CUL4B: variants seen among roughly 807,000 people sequenced by gnomAD.
CUL4B encodes the protein cullin-4B.
Under a neutral mutation model 69.2 loss-of-function variants are expected in CUL4B, and 1 was observed. That is an observed-to-expected ratio of 0.01 (90% CI 0.01 to 0.07). The LOEUF is 0.07. Ranked by LOEUF, CUL4B falls within the 10% of genes least tolerant of loss-of-function variation. CUL4B has a pLI of 1.00. For missense variants in CUL4B, 328 were observed against 638.8 expected (o/e 0.51, Z 5.24); for synonymous variants, 237 against 223.2 (o/e 1.06, Z -0.55).
upstream of CUL4B, among the ~76,000 whole-genome samples, chrX:120,566,367 A>ATATGTATATATATATATATG (rs1556253143): frequency 5.3e-5 from 3 of 57,140 alleles, no homozygotes; most frequent in African/African-American, 1.7e-4. Flanking sequence ...ATATATATAT[A>ATATGTATATATATATATATG]TATATATATA....
chrX:120,545,022 TGAA>T (rs1220359116), intron 5 of CUL4B, among the ~76,000 whole-genome samples: 2 of 112,557 alleles, frequency 1.8e-5, no homozygotes, highest in Non-Finnish European at 3.8e-5. Context: ...GTTTCAATAC[TGAA>T]GAATCAGTGA....
chrX:120,546,638 T>A (rs35048954), intron 3 of CUL4B, 22 bp from the exon 4 acceptor site: 1 of 1,085,021 alleles, frequency 9.2e-7, no homozygotes. Flanking sequence ...GTTAAGGATA[T>A]TTTAAAGCGT....
At chrX:120,531,467 T>G (rs1422570486) in intron 18 of CUL4B, among the ~76,000 whole-genome samples, 1 of 108,159 alleles carries the variant, frequency 9.2e-6, no homozygotes, top group Admixed American at 1.0e-4. Flanking sequence ...TTTTGTTTTT[T>G]TTTTCTTTTT....
upstream of CUL4B, among the ~76,000 whole-genome samples, chrX:120,565,402 G>A (rs1272672694): frequency 1.8e-5 from 2 of 108,944 alleles, no homozygotes; most frequent in African/African-American, 3.3e-5. Flanking sequence ...CAGAAAAAAC[G>A]GCTGGGCACA....
chrX:120,545,213 G>T (rs369001194), intron 5 of CUL4B, among the ~76,000 whole-genome samples: 3 of 111,550 alleles, frequency 2.7e-5, no homozygotes, highest in Admixed American at 1.9e-4. Context: ...TAGTCCCCTC[G>T]GCTAACAAAA....
chrX:120,531,254 G>A (rs1214537000), intron 18 of CUL4B, among the ~76,000 whole-genome samples: 5 of 108,212 alleles, frequency 4.6e-5, no homozygotes, highest in African/African-American at 1.0e-4. Flanking sequence ...CCTGGAAGGC[G>A]GAGGCTGCAG....
rs1220887567 is a variant in CUL4B at position 120,528,102 on chromosome X, C to T, written c.2593-1246G>A. On this transcript the variant is annotated intron_variant, in intron 19 of 19. Coordinates refer to ENST00000371322, the MANE Select transcript of CUL4B (RefSeq NM_001079872.2). ...CATTTTTATAAATTAAGATTTAAAA[C>T]GTACTGATGAAATCACTATTTAGAC... Among the ~76,000 whole-genome samples the T allele has an allele frequency of 3.6e-5, 4 of 111,796 alleles. No homozygotes were observed. The East Asian group carries it at 8.4e-4, about 23-fold the overall frequency.
At chrX:120,538,828 G>T in intron 12 of CUL4B, 58 bp from the exon 13 acceptor site, 1 of 691,250 alleles carries the variant, frequency 1.4e-6, no homozygotes, top group Non-Finnish European at 2.3e-6. Flanking sequence ...TGACAAAACT[G>T]CTTTAAAGTG....
upstream of CUL4B, among the ~76,000 whole-genome samples, chrX:120,566,428 G>A (rs1305583736): frequency 1.3e-5 from 1 of 77,206 alleles, no homozygotes; most frequent in Non-Finnish European, 2.4e-5. Flanking sequence ...ATGGAGTTTC[G>A]CTCTTGTTGC....
At chrX:120,527,892 T>C (rs1183421424) in intron 19 of CUL4B, among the ~76,000 whole-genome samples, 1 of 112,240 alleles carries the variant, frequency 8.9e-6, no homozygotes, top group Admixed American at 9.5e-5. Context: ...GAATACTTTC[T>C]ATTACTTTTC....
chrX:120,564,381 C>T (rs758539355), upstream of CUL4B, among the ~76,000 whole-genome samples: 48 of 110,635 alleles, frequency 4.3e-4, no homozygotes, highest in African/African-American at 1.5e-3. Context: ...TGAGGCGGGC[C>T]GATCACCTGA....
At chrX:120,529,636 C>A (rs1307579415) in intron 19 of CUL4B, among the ~76,000 whole-genome samples, 1 of 111,530 alleles carries the variant, frequency 9.0e-6, no homozygotes, top group African/African-American at 3.3e-5. Flanking sequence ...CTACACTTTT[C>A]AAAAAGATGC....
At chrX:120,563,685 ATGC>A (rs1328853347), upstream of CUL4B, among the ~76,000 whole-genome samples, 24 of 112,416 alleles carry the variant, frequency 2.1e-4, no homozygotes, top group Non-Finnish European at 1.1e-4. Flanking sequence ...GAATAAAATA[ATGC>A]TGTGTCTTTA....
rs759619904 is a variant in CUL4B, at chrX:120,544,526, A to G, written c.1038T>C (p.Asp346=). 1.9e-5 allele frequency: 23 copies of G among 1,209,696 alleles called. No individual in the cohort carries two copies. Among genetic ancestry groups the G allele is most frequent in the Non-Finnish European group, 2.6e-5 (23 of 894,773 alleles). ...IERERNGEAI[D]RSLLRSLLSM... The stretch of plus-strand genomic sequence containing the variant: ...TTAAAAGGCTTCGAAGTAAACTTCT[A>G]TCAATTGCTTCACCATTCCTTTCCC... The change falls in exon 6 of 20, where the codon GAT becomes GAC. Residue 346 remains aspartate, a synonymous_variant. Transcript: ENST00000371322.
chrX:120,556,281 CTATG>C (rs1924960539), intron 2 of CUL4B, among the ~76,000 whole-genome samples: 1 of 111,626 alleles, frequency 9.0e-6, no homozygotes, highest in African/African-American at 3.3e-5. Flanking sequence ...GGCATTATTA[CTATG>C]TGTTGTGCAC....
intron 2 of CUL4B, among the ~76,000 whole-genome samples, chrX:120,573,244 G>C (rs913923010): frequency 9.1e-6 from 1 of 110,312 alleles, no homozygotes; most frequent in Non-Finnish European, 1.9e-5. Context: ...TGCTTTTTTC[G>C]CTTAATATAT....
chrX:120,549,381 G>C (rs748717294), intron 2 of CUL4B, among the ~76,000 whole-genome samples: 26 of 111,671 alleles, frequency 2.3e-4, no homozygotes, highest in Non-Finnish European at 3.8e-4. Context: ...GTGAAACCCT[G>C]TCTCTACTAA....
chrX:120,552,276 T>C (rs994645514), intron 2 of CUL4B, among the ~76,000 whole-genome samples: 11 of 111,386 alleles, frequency 9.9e-5, no homozygotes, highest in Admixed American at 8.6e-4. Context: ...GCCTTCCCAG[T>C]AGCTCGGATT....
chrX:120,560,779 TGAAG>T lies in CUL4B; in HGVS notation c.-145_-142del. On this transcript the variant is annotated 5_prime_UTR_variant, in exon 1 of 20. Coordinates refer to ENST00000371322, the MANE Select transcript of CUL4B (RefSeq NM_001079872.2). ...GAAACACAGAGGACGAGAAGGAAAG[TGAAG>T]GGGGGGGCTACACCGGGGGAATGGG... 4 of 276,181 alleles carry T rather than the reference TGAAG, an allele frequency of 1.4e-5. No individual in the cohort carries two copies. The highest frequency in any genetic ancestry group is 1.8e-5 in the Non-Finnish European group (4 of 225,307). The allele number at this position is 276,181 out of a possible 1,213,427, so 22.8% of individuals were successfully genotyped here.
Sources: allele counts gnomAD v4.1 joint callset (sites outside exome capture counted in the v4.1 genomes callset), GRCh38; gene constraint gnomAD v4.1.1; transcripts MANE v1.5; gene names NCBI Gene and HGNC (gene_info 2026-07-23, HGNC 2026-07-21).